SEC63: variants seen among roughly 807,000 people sequenced by gnomAD.
The protein encoded by SEC63 is translocation protein SEC63 homolog.
SEC63 carries 56 observed loss-of-function variants against 116.2 expected under a neutral mutation model. That is an observed-to-expected ratio of 0.48 (90% CI 0.39 to 0.60). The LOEUF is 0.60. Among genes scored for constraint, SEC63 ranks in the 20% least tolerant of loss-of-function variants. SEC63 has a pLI of 0.00. For missense variants in SEC63, 668 were observed against 900.0 expected, an observed-to-expected ratio of 0.74 and a Z score of 3.30; for synonymous variants, 273 against 294.6, an observed-to-expected ratio of 0.93 and a Z score of 0.75.
chr6:107,957,832 G>C, intron 1 of SEC63, 54 bp downstream of exon 1: 1 of 1,535,764 alleles, frequency 6.5e-7, no homozygotes, highest in Non-Finnish European at 8.8e-7. Context: ...CGCAGGGCCT[G>C]GGGGCGCTGG....
intron 12 of SEC63, among the ~76,000 whole-genome samples, chr6:107,902,438 G>C (rs1257283442): frequency 6.6e-6 from 1 of 151,858 alleles, no homozygotes; most frequent in Non-Finnish European, 1.5e-5. Context: ...TTATACTATA[G>C]ATTATATATT....
chr6:107,951,959 C>G (rs1452085637), intron 1 of SEC63, among the ~76,000 whole-genome samples: 2 of 140,282 alleles, frequency 1.4e-5, no homozygotes, highest in Admixed American at 7.2e-5. Flanking sequence ...GGTGACAGAG[C>G]GAGACTCCAT....
In SEC63 at chr6:107,957,911, G is replaced by A; in HGVS notation, c.99C>T (p.Tyr33=). The A allele has an allele frequency of 6.2e-7, 1 of 1,613,144 alleles. No individual in the cohort carries two copies. Among genetic ancestry groups the A allele is most frequent in the Non-Finnish European group, 8.5e-7 (1 of 1,179,450 alleles). ...VGLIVIPATY[Y]LWPRDQNAEQ... Reference sequence around the variant, plus strand: ...CGGCATTCTGATCTCGGGGCCAGAGGTAGTATGTCGCCGGGATCACGATGA... The same window carrying A: ...CGGCATTCTGATCTCGGGGCCAGAGATAGTATGTCGCCGGGATCACGATGA... The change falls in exon 1 of 21, where the codon TAC becomes TAT. Residue 33 remains tyrosine, a synonymous_variant. Transcript: ENST00000369002.
At chr6:107,900,249 C>T (rs945101009) in intron 13 of SEC63, among the ~76,000 whole-genome samples, 2 of 152,090 alleles carry the variant, frequency 1.3e-5, no homozygotes, top group Non-Finnish European at 2.9e-5. Context: ...ATCCCCCTGC[C>T]TTGGCCTCCC....
Position 107,924,895 on chromosome 6 carries a change from A to G in SEC63, c.262T>C (p.Phe88Leu), listed in dbSNP as rs573990603. 11 of 1,602,794 alleles carry G rather than the reference A, an allele frequency of 6.9e-6. No homozygotes were observed. In the East Asian group the frequency reaches 1.3e-4, roughly 20 times the overall value. ...GTTTTGGAAACTTTATATGCAAGGA[A>G]TAAGAACAATGCCCATCCTGCAAGC... The part of the protein sequence containing the change: ...VLLAGWALFL[F>L]LAYKVSKTDR... The change falls in exon 3 of 21, where the codon TTC becomes CTC. Residue 88 changes from phenylalanine to leucine, a missense_variant. Transcript: ENST00000369002.
In SEC63 at chr6:107,924,876, G is replaced by C; in HGVS notation, c.281C>G (p.Ser94Cys). 6.2e-7 allele frequency: 1 copy of C among 1,607,300 alleles called. No homozygotes were observed. Among genetic ancestry groups the C allele is most frequent in the Non-Finnish European group, 8.5e-7 (1 of 1,174,066 alleles). Residue 94 changes from serine (S) to cysteine (C), a missense_variant, in exon 3 of 21, where the codon TCC becomes TGC. By Grantham distance (112) the Ser-to-Cys change is moderately radical (BLOSUM62 -1). Around this residue, in one of 5 missense-constraint regions of SEC63, gnomAD observed 142 missense variants for 169.5 expected, o/e 0.84. Coordinates refer to ENST00000369002, the MANE Select transcript of SEC63 (RefSeq NM_007214.5). ...ALFLFLAYKVSKTDREYQEYN... is the reference protein window; with the variant it reads ...ALFLFLAYKVCKTDREYQEYN... Reference sequence around the variant, plus strand: ...TTCTTGGTATTCTCGGTCTGTTTTGGAAACTTTATATGCAAGGAATAAGAA... The same window carrying C: ...TTCTTGGTATTCTCGGTCTGTTTTGCAAACTTTATATGCAAGGAATAAGAA...
At chr6:107,886,044 T>C (rs1263475218) in intron 16 of SEC63, among the ~76,000 whole-genome samples, 1 of 152,154 alleles carries the variant, frequency 6.6e-6, no homozygotes. Context: ...GTGTGTGATG[T>C]TCCCCTCCCT....
At chr6:107,941,812 T>C (rs928802190) in intron 1 of SEC63, among the ~76,000 whole-genome samples, 2 of 152,218 alleles carry the variant, frequency 1.3e-5, no homozygotes, top group Admixed American at 1.3e-4. Flanking sequence ...TTTTGCAGTG[T>C]TGACGATACC....
At chr6:107,916,012 C>T (rs192324835) in intron 4 of SEC63, among the ~76,000 whole-genome samples, 1 of 152,034 alleles carries the variant, frequency 6.6e-6, no homozygotes, top group East Asian at 1.9e-4. Context: ...TTATATTATT[C>T]TTGTGCATTT....
At chr6:107,931,635 G>A (rs896672876) in intron 1 of SEC63, among the ~76,000 whole-genome samples, 3 of 151,574 alleles carry the variant, frequency 2.0e-5, no homozygotes, top group Non-Finnish European at 4.4e-5. Flanking sequence ...TGTAGTCCCA[G>A]CTACTCGGGA....
Position 107,923,218 on chromosome 6 carries a change from G to A in SEC63, c.340-1309C>T, listed in dbSNP as rs191034797. Among the ~76,000 whole-genome samples, 286 of 151,734 alleles carry A rather than the reference G, an allele frequency of 1.9e-3. 1 individual carries two copies. Among genetic ancestry groups the A allele is most frequent in the African/African-American group, 6.2e-3 (256 of 41,352 alleles). ...GAGTGCAGTGGTGCAATCACAGCTC[G>A]CTGCAGCCTTGACTTCCCAAGTGGC... On this transcript the variant is annotated intron_variant, in intron 3 of 20. Coordinates refer to ENST00000369002, the MANE Select transcript of SEC63 (RefSeq NM_007214.5).
At position 107,880,020 on chromosome 6, in the gene SEC63, A is replaced by G. The variant is rs142209028; in HGVS notation, c.1935+1129T>C. Among the ~76,000 whole-genome samples, 583 of 152,308 alleles carry G rather than the reference A, an allele frequency of 3.8e-3. 6 individuals carry two copies. Among genetic ancestry groups the G allele is most frequent in the African/African-American group, 0.013 (548 of 41,578 alleles). On this transcript the variant is annotated intron_variant, in intron 18 of 20. Transcript: ENST00000369002. ...GCACCCCATGGCACTTTTTATACCA[A>G]TCAATGAATGGAATTTACTTGCTTC...
In SEC63 at chr6:107,871,564, T is replaced by A; in HGVS notation, c.*140A>T. On this transcript the variant is annotated 3_prime_UTR_variant, in exon 21 of 21. Coordinates refer to ENST00000369002, the MANE Select transcript of SEC63 (RefSeq NM_007214.5). ...CCAAGGCACCGCCACTGCCTAGTTA[T>A]ATTATGCACCCATTTCAAGAGTAAA... 2 of 785,314 alleles carry A rather than the reference T, an allele frequency of 2.5e-6. No homozygotes were observed. Among genetic ancestry groups the A allele is most frequent in the Non-Finnish European group, 4.4e-6 (2 of 452,246 alleles). The allele number at this position is 785,314 out of a possible 1,614,324, so 48.6% of individuals were successfully genotyped here.
chr6:107,930,868 A>C (rs1787790708), intron 1 of SEC63, among the ~76,000 whole-genome samples: 1 of 150,612 alleles, frequency 6.6e-6, no homozygotes, highest in South Asian at 2.1e-4. Flanking sequence ...GGTGGTGCAC[A>C]CCTGTAGTCC....
chr6:107,911,794 T>A (rs1225751973), intron 6 of SEC63, among the ~76,000 whole-genome samples: 1 of 152,220 alleles, frequency 6.6e-6, no homozygotes, highest in Non-Finnish European at 1.5e-5. Flanking sequence ...GTCAGGCAGG[T>A]ATTTATATAT....
chr6:107,908,323 A>C (rs1562324448), intron 8 of SEC63, among the ~76,000 whole-genome samples: 1 of 121,496 alleles, frequency 8.2e-6, no homozygotes, highest in Non-Finnish European at 1.7e-5. Flanking sequence ...TAATCAAAGA[A>C]AGTGAAAATA....
At position 107,904,698 on chromosome 6, in the gene SEC63, A is replaced by G; in HGVS notation, c.985T>C (p.Cys329Arg). ...ACCATTTCTTGAAGTAGGGCAGGAC[A>G]CTTTTTTAGCATGAATTGCTGATCT... ...EEDQQFMLKK[C>R]PALLQEMVNV... Residue 329 changes from cysteine (C) to arginine (R), a missense_variant, in exon 11 of 21, where the codon TGT becomes CGT. Transcript: ENST00000369002. The G allele has an allele frequency of 6.2e-7, 1 of 1,613,616 alleles. No homozygotes were observed. The highest frequency in any genetic ancestry group is 8.5e-7 in the Non-Finnish European group (1 of 1,179,522).
intron 10 of SEC63, among the ~76,000 whole-genome samples, chr6:107,905,903 T>C (rs923930180): frequency 1.3e-5 from 2 of 152,226 alleles, no homozygotes; most frequent in Admixed American, 1.3e-4. Flanking sequence ...TTATGTAGCA[T>C]ATACATTTCT....
Position 107,953,750 on chromosome 6 carries a change from G to A in SEC63, c.124+4136C>T, listed in dbSNP as rs546544612. 1.7e-3 allele frequency among the ~76,000 whole-genome samples: 240 copies of A among 139,790 alleles called. 3 individuals carry two copies. Among genetic ancestry groups the A allele is most frequent in the South Asian group, 5.8e-3 (25 of 4,306 alleles). 91.7% of individuals were successfully genotyped at this position (139,790 alleles called of 152,430 possible). A position where few individuals can be genotyped will look rare whatever the true frequency, so the allele number is the denominator to read the frequency against. The stretch of plus-strand genomic sequence containing the variant: ...GCCCTGTCCGGGAGGGAGGTGGGGG[G>A]TTCAGCCCCCCGCCCGGCCAGCCGC... On this transcript the variant is annotated intron_variant, in intron 1 of 20. Transcript: ENST00000369002.
Sources: allele counts gnomAD v4.1 joint callset (sites outside exome capture counted in the v4.1 genomes callset), GRCh38; gene constraint gnomAD v4.1.1; regional missense constraint gnomAD v4.1.1; transcripts MANE v1.5; gene names NCBI Gene and HGNC (gene_info 2026-07-23, HGNC 2026-07-21).